Variants in CEP170 observed in about 807,000 individuals in gnomAD.
CEP170 encodes the protein centrosomal protein 170.
CEP170 carries 21 observed loss-of-function variants against 151.9 expected under a neutral mutation model. That is an observed-to-expected ratio of 0.14 (90% CI 0.10 to 0.20). The LOEUF is 0.20. CEP170 is among the 10% of genes least tolerant of loss of function. The pLI is 1.00. For synonymous variants in CEP170, 356 were observed against 648.8 expected, an observed-to-expected ratio of 0.55 and a Z score of 6.86; for missense variants, 964 against 1,892.9, an observed-to-expected ratio of 0.51 and a Z score of 9.11.
chr1:243,252,466 A>T (rs2066028116), intron 1 of CEP170, among the ~76,000 whole-genome samples: 1 of 152,190 alleles, frequency 6.6e-6, no homozygotes. Context: ...GCAATCAGAT[A>T]CAATAATAAA....
At chr1:243,217,687 A>G (rs1377424731) in intron 3 of CEP170, among the ~76,000 whole-genome samples, 1 of 152,236 alleles carries the variant, frequency 6.6e-6, no homozygotes, top group Non-Finnish European at 1.5e-5. Context: ...GGGAAAGAGA[A>G]AATTTCAAAG....
At chr1:243,249,662 T>C (rs561459774) in intron 1 of CEP170, among the ~76,000 whole-genome samples, 171 of 152,346 alleles carry the variant, frequency 1.1e-3, no homozygotes, top group Non-Finnish European at 2.1e-3. Flanking sequence ...TTGATTAATT[T>C]TTCTTCATAG....
In CEP170 at chr1:243,139,927, G is replaced by T; in HGVS notation, c.4230+10C>A. The T allele has an allele frequency of 6.2e-7, 1 of 1,606,428 alleles. No individual in the cohort carries two copies. Among genetic ancestry groups the T allele is most frequent in the Non-Finnish European group, 8.5e-7 (1 of 1,174,828 alleles). On this transcript the variant is annotated intron_variant, in intron 16 of 19. Transcript: ENST00000366542. ...CTTCTGCCACATGTTAAAATTTATA[G>T]TTTACTTACTTCATCCCTGCTCCAG...
Position 243,213,542 on chromosome 1 carries a change from C to T in CEP170, c.196-1578G>A, listed in dbSNP as rs1467425074. Among the ~76,000 whole-genome samples, 3 of 152,168 alleles carry T rather than the reference C, an allele frequency of 2.0e-5. No individual in the cohort carries two copies. In the East Asian group the frequency reaches 5.8e-4, roughly 29 times the overall value. ...ATAGCATAAGCAAAATTATCAGACTCTGTGTCTTCAAATGAAGACAGTCAT... is the reference window on the plus strand; with the variant it reads ...ATAGCATAAGCAAAATTATCAGACTTTGTGTCTTCAAATGAAGACAGTCAT... On this transcript the variant is annotated intron_variant, in intron 3 of 19. Coordinates refer to ENST00000366542, the MANE Select transcript of CEP170 (RefSeq NM_014812.3).
intron 13 of CEP170, among the ~76,000 whole-genome samples, chr1:243,159,242 C>T (rs73116145): frequency 0.065 from 9,802 of 151,874 alleles, 699 homozygotes; most frequent in East Asian, 0.18. Flanking sequence ...GCTCCCTTTG[C>T]CAGTGGAAAA....
intron 1 of CEP170, among the ~76,000 whole-genome samples, chr1:243,226,055 C>CACACG (rs2063218197): frequency 7.7e-5 from 1 of 12,920 alleles, no homozygotes; most frequent in African/African-American, 9.3e-5. Context: ...ATATATATAT[C>CACACG]TAGATATATA....
intron 11 of CEP170, among the ~76,000 whole-genome samples, chr1:243,170,139 G>C (rs1211912086): frequency 6.6e-6 from 1 of 152,208 alleles, no homozygotes; most frequent in Non-Finnish European, 1.5e-5. Flanking sequence ...TGTAATCCCA[G>C]TTCTTTGGGA....
chr1:243,149,471 G>GT (rs2056857533), intron 14 of CEP170, among the ~76,000 whole-genome samples: 1 of 152,060 alleles, frequency 6.6e-6, no homozygotes, highest in Admixed American at 6.5e-5. Flanking sequence ...ACTGTCATCT[G>GT]AACCTGTGGG....
intron 1 of CEP170, among the ~76,000 whole-genome samples, chr1:243,237,010 G>A (rs1479960838): frequency 6.6e-6 from 1 of 152,066 alleles, no homozygotes; most frequent in Non-Finnish European, 1.5e-5. Flanking sequence ...TGGGAGGTGG[G>A]TACAAATCAT....
chr1:243,168,299 C>T (rs975139652), intron 12 of CEP170: 4 of 151,906 alleles, frequency 2.6e-5, no homozygotes, highest in Non-Finnish European at 5.9e-5. Context: ...TTTTGGGGTG[C>T]CACAAGCCTG....
intron 1 of CEP170, among the ~76,000 whole-genome samples, chr1:243,243,822 G>A (rs910132287): frequency 3.9e-5 from 6 of 152,050 alleles, no homozygotes; most frequent in East Asian, 1.9e-4. Context: ...CACCACGCCC[G>A]TCCATCATTC....
At chr1:243,162,521 C>A (rs2058145161) in intron 13 of CEP170, among the ~76,000 whole-genome samples, 1 of 152,178 alleles carries the variant, frequency 6.6e-6, no homozygotes, top group East Asian at 1.9e-4. Flanking sequence ...TTTTTGGACA[C>A]AGAAAACTGA....
At chr1:243,141,364 A>T (rs12061841) in intron 15 of CEP170, among the ~76,000 whole-genome samples, 46,640 of 152,158 alleles carry the variant, frequency 0.31, 7,553 homozygotes, top group South Asian at 0.48. Context: ...TGATAGTTAA[A>T]TAAGTGTGGC....
chr1:243,254,571 C>T (rs1172671488), intron 1 of CEP170: 1 of 152,276 alleles, frequency 6.6e-6, no homozygotes, highest in South Asian at 2.1e-4. Context: ...GGGATTGGCC[C>T]GGGGAGCTGC....
chr1:243,161,943 C>A (rs2058098816), intron 13 of CEP170, among the ~76,000 whole-genome samples: 1 of 152,076 alleles, frequency 6.6e-6, no homozygotes, highest in Non-Finnish European at 1.5e-5. Flanking sequence ...GTTTGACCAC[C>A]TTTTCCATAC....
rs557676285 is a variant in CEP170 at position 243,125,054 on chromosome 1, G to C, written c.*1395C>G. ...GTTTCTTAAAACAAATATAGCACAG[G>C]ATTATTGTGGAAATATTAAAGACCA... On this transcript the variant is annotated 3_prime_UTR_variant, in exon 20 of 20. Transcript: ENST00000366542. The C allele has an allele frequency of 6.6e-6, 1 of 151,996 alleles. No homozygotes were observed. The highest frequency in any genetic ancestry group is 1.5e-5 in the Non-Finnish European group (1 of 67,978). 9.4% of individuals were successfully genotyped at this position (151,996 alleles called of 1,614,324 possible). A position where few individuals can be genotyped will look rare whatever the true frequency, so the allele number is the denominator to read the frequency against.
chr1:243,229,373 C>CA (rs1360112350), intron 1 of CEP170, among the ~76,000 whole-genome samples: 5 of 151,608 alleles, frequency 3.3e-5, no homozygotes, highest in Non-Finnish European at 5.9e-5. Flanking sequence ...TAAATGACTG[C>CA]AAAAATATAT....
chr1:243,148,696 C>T (rs780891858), intron 14 of CEP170, among the ~76,000 whole-genome samples: 1 of 152,126 alleles, frequency 6.6e-6, no homozygotes, highest in Non-Finnish European at 1.5e-5. Context: ...AAGTTTAATT[C>T]ATGTATTGAT....
At chr1:243,163,494 T>C (rs1338618489) in intron 13 of CEP170, among the ~76,000 whole-genome samples, 6 of 152,316 alleles carry the variant, frequency 3.9e-5, no homozygotes, top group African/African-American at 1.4e-4. Flanking sequence ...CAAACAAATA[T>C]AACAGCATCA....
Sources: allele counts gnomAD v4.1 joint callset (sites outside exome capture counted in the v4.1 genomes callset), GRCh38; gene constraint gnomAD v4.1.1; transcripts MANE v1.5; gene names NCBI Gene and HGNC (gene_info 2026-07-23, HGNC 2026-07-21).